The following MACROD2 variants were observed in gnomAD, a reference collection of about 807,000 sequenced individuals.
The protein encoded by MACROD2 is mono-ADP ribosylhydrolase 2.
Under a neutral mutation model 70.4 loss-of-function variants are expected in MACROD2, and 36 were observed. That is an observed-to-expected ratio of 0.51 (90% CI 0.39 to 0.68). The LOEUF is 0.68. Ranked by LOEUF, MACROD2 falls within the 30% of genes least tolerant of loss-of-function variation. The pLI is 0.00. For missense variants in MACROD2, 496 were observed against 538.4 expected, an observed-to-expected ratio of 0.92 and a Z score of 0.78; for synonymous variants, 172 against 178.8, an observed-to-expected ratio of 0.96 and a Z score of 0.30.
At chr20:14,217,963 G>A (rs910296119) in intron 3 of MACROD2, among the ~76,000 whole-genome samples, 4 of 152,000 alleles carry the variant, frequency 2.6e-5, no homozygotes, top group Non-Finnish European at 4.4e-5. Context: ...AAAGTTCCAC[G>A]CGCTGTTGAA....
chr20:15,585,013 A>G (rs1600631402), intron 8 of MACROD2, among the ~76,000 whole-genome samples: 1 of 152,038 alleles, frequency 6.6e-6, no homozygotes, highest in East Asian at 1.9e-4. Context: ...AGATACACAT[A>G]ATGATGCTGA....
chr20:15,150,691 G>T (rs1601144120), intron 5 of MACROD2, among the ~76,000 whole-genome samples: 1 of 151,964 alleles, frequency 6.6e-6, no homozygotes, highest in Non-Finnish European at 1.5e-5. Context: ...GGGGATACAA[G>T]AGGAGGATGC....
Position 14,357,433 on chromosome 20 carries a change from A to G in MACROD2, c.272-136046A>G, listed in dbSNP as rs76727338. ...AATGAAAAGATAAACTTTTTTTGCA[A>G]TGTATCTAGATATTCTACAATCTAT... On this transcript the variant is annotated intron_variant, in intron 3 of 17. Transcript: ENST00000684519. Among the ~76,000 whole-genome samples, 1,501 of 152,254 alleles carry G rather than the reference A, an allele frequency of 9.9e-3. 18 individuals are homozygous for G. The highest frequency in any genetic ancestry group is 0.026 in the African/African-American group (1,079 of 41,562).
In MACROD2 at chr20:15,936,198, T is replaced by G. The variant is rs188743560; in HGVS notation, c.839-1278T>G. ...ATAGTTTATATGTATAAATATACCATATATGTATAAATATACTATATATAA... is the reference window on the plus strand; with the variant it reads ...ATAGTTTATATGTATAAATATACCAGATATGTATAAATATACTATATATAA... On this transcript the variant is annotated intron_variant, in intron 11 of 17. Transcript: ENST00000684519. Among the ~76,000 whole-genome samples, 8 of 147,668 alleles carry G rather than the reference T, an allele frequency of 5.4e-5. No individual in the cohort carries two copies. The East Asian group carries it at 1.4e-3, about 25-fold the overall frequency.
At chr20:14,035,468 T>C (rs571397710) in intron 2 of MACROD2, among the ~76,000 whole-genome samples, 1 of 152,302 alleles carries the variant, frequency 6.6e-6, no homozygotes, top group African/African-American at 2.4e-5. Flanking sequence ...AACTCTCCCA[T>C]TTATATAGTG....
intron 8 of MACROD2, among the ~76,000 whole-genome samples, chr20:15,626,405 C>A (rs1165174736): frequency 6.6e-6 from 1 of 152,180 alleles, no homozygotes; most frequent in African/African-American, 2.4e-5. Context: ...TTTTGTTTGA[C>A]GTGCAAACTC....
chr20:14,526,546 C>T (rs990288397), intron 4 of MACROD2, among the ~76,000 whole-genome samples: 1 of 152,186 alleles, frequency 6.6e-6, no homozygotes, highest in Non-Finnish European at 1.5e-5. Flanking sequence ...TCTTCATAGA[C>T]AGAAGTCTTT....
intron 13 of MACROD2, among the ~76,000 whole-genome samples, chr20:15,986,185 C>T (rs1890562): frequency 0.42 from 63,541 of 152,078 alleles, 16,405 homozygotes; most frequent in African/African-American, 0.73. Context: ...GTTTTTCTCT[C>T]AAAACAGGTA....
rs560528037 is a variant in MACROD2, at chr20:15,822,360, T to G, written c.646-40385T>G. The stretch of plus-strand genomic sequence containing the variant: ...TCTAAGCCAAATGATATGTGATACA[T>G]CCTAAACTTTTGTTTGAATAGTTGA... On this transcript the variant is annotated intron_variant, in intron 8 of 17. Coordinates refer to ENST00000684519, the MANE Select transcript of MACROD2 (RefSeq NM_001351661.2). 7.9e-5 allele frequency among the ~76,000 whole-genome samples: 12 copies of G among 152,298 alleles called. 1 individual carries two copies. Among genetic ancestry groups the G allele is most frequent in the African/African-American group, 2.9e-4 (12 of 41,574 alleles).
intron 2 of MACROD2, among the ~76,000 whole-genome samples, chr20:14,018,909 G>A (rs1409272173): frequency 6.6e-6 from 1 of 152,180 alleles, no homozygotes; most frequent in African/African-American, 2.4e-5. Context: ...GCTCGAATCT[G>A]TCTCCTTAAG....
intron 12 of MACROD2, among the ~76,000 whole-genome samples, chr20:15,961,620 G>A (rs1161103644): frequency 6.6e-6 from 1 of 152,156 alleles, no homozygotes. Context: ...CAGAGCTAAG[G>A]CCACAAAAGC....
At chr20:14,514,034 A>C (rs769771549) in intron 4 of MACROD2, among the ~76,000 whole-genome samples, 2 of 152,100 alleles carry the variant, frequency 1.3e-5, no homozygotes, top group Non-Finnish European at 2.9e-5. Context: ...CTTTTTCTAA[A>C]TGATTTAAGG....
chr20:14,082,184 T>TTC (rs2054006085), intron 2 of MACROD2, among the ~76,000 whole-genome samples: 2 of 129,938 alleles, frequency 1.5e-5, no homozygotes, highest in Admixed American at 1.6e-4. Flanking sequence ...TTTCTTTTTT[T>TTC]TTTTTTTTTT....
chr20:14,319,780 C>G (rs1055859936), intron 3 of MACROD2, among the ~76,000 whole-genome samples: 2 of 152,146 alleles, frequency 1.3e-5, no homozygotes, highest in East Asian at 3.8e-4. Context: ...GCAATCCCCC[C>G]CTTTTTGTTT....
At chr20:15,941,516 C>A (rs970664431) in intron 12 of MACROD2, among the ~76,000 whole-genome samples, 1 of 152,106 alleles carries the variant, frequency 6.6e-6, no homozygotes, top group African/African-American at 2.4e-5. Context: ...CCGTTGAAAT[C>A]CTTCAAGATT....
In MACROD2 at chr20:14,708,536, A is replaced by C. The variant is rs577553461; in HGVS notation, c.418+23577A>C. 2.8e-4 allele frequency among the ~76,000 whole-genome samples: 43 copies of C among 152,290 alleles called. 1 individual carries two copies. The South Asian group carries it at 6.8e-3, about 24-fold the overall frequency. ...TGGTTAGGAGATTGACTGTGAGAAC[A>C]TTGCTACTTAGTGGTATATTTCAAA... On this transcript the variant is annotated intron_variant, in intron 5 of 17. Coordinates refer to ENST00000684519, the MANE Select transcript of MACROD2 (RefSeq NM_001351661.2).
intron 5 of MACROD2, among the ~76,000 whole-genome samples, chr20:14,958,613 A>G (rs1264088854): frequency 6.6e-6 from 1 of 152,050 alleles, no homozygotes; most frequent in East Asian, 1.9e-4. Context: ...GCCCGGTTCT[A>G]CTCTTGCATG....
intron 6 of MACROD2, among the ~76,000 whole-genome samples, chr20:15,428,295 TC>T (rs1470103934): frequency 1.3e-5 from 2 of 152,212 alleles, no homozygotes; most frequent in African/African-American, 4.8e-5. Context: ...AAGTGGGCCA[TC>T]TTGTTGAAAA....
chr20:15,157,349 A>ACCCCCCCCCCCCCCCCCCCCCCCCCCCC (rs71870874), intron 5 of MACROD2, among the ~76,000 whole-genome samples: 1 of 109,400 alleles, frequency 9.1e-6, no homozygotes, highest in Non-Finnish European at 1.9e-5. Flanking sequence ...CTAATTAACC[A>ACCCCCCCCCCCCCCCCCCCCCCCCCCCC]CCCCCCCCCA....
Sources: allele counts gnomAD v4.1 joint callset (sites outside exome capture counted in the v4.1 genomes callset), GRCh38; gene constraint gnomAD v4.1.1; transcripts MANE v1.5; gene names NCBI Gene and HGNC (gene_info 2026-07-23, HGNC 2026-07-21).